The following GPR19 variants were observed in gnomAD, a reference collection of about 807,000 sequenced individuals.
GPR19 encodes the protein G protein-coupled receptor 19.
A neutral mutation model predicts 28.5 loss-of-function variants in GPR19; 14 were observed. The ratio of observed to expected loss-of-function variants is 0.49; its 90% CI spans 0.32 to 0.77. The LOEUF (loss-of-function observed/expected upper bound fraction) is 0.77, where lower values mean the gene tolerates loss of function less well. Among genes scored for constraint, GPR19 ranks in the 30% least tolerant of loss-of-function variants. The probability of loss-of-function intolerance (pLI) is 0.03; values close to 1 mark genes in which losing one functional copy is unlikely to be tolerated. For missense variants in GPR19, 409 were observed against 504.1 expected, an observed-to-expected ratio of 0.81 and a Z score of 1.81; for synonymous variants, 173 against 184.1, an observed-to-expected ratio of 0.94 and a Z score of 0.49.
intron 3 of GPR19, among the ~76,000 whole-genome samples, chr12:12,673,270 C>T (rs182181983): frequency 1.3e-5 from 2 of 152,256 alleles, no homozygotes; most frequent in East Asian, 3.9e-4. Context: ...ATGTTTCTTC[C>T]TTGATAAAAG....
At chr12:12,680,938 C>T (rs552210186) in intron 3 of GPR19, among the ~76,000 whole-genome samples, 2 of 152,328 alleles carry the variant, frequency 1.3e-5, no homozygotes, top group African/African-American at 4.8e-5. Flanking sequence ...TTCTGCCCCC[C>T]TCAGCCTCCC....
rs1434008449 is a variant in GPR19 at position 12,662,895 on chromosome 12, A to C, written c.-22-425T>G. Reference sequence around the variant, plus strand: ...AGTTCCTAATTGTCCTAAGGTTGCAAAAGAGGAAAGCTTGGGCAGATGAAA... The same window carrying C: ...AGTTCCTAATTGTCCTAAGGTTGCACAAGAGGAAAGCTTGGGCAGATGAAA... On this transcript the variant is annotated intron_variant, in intron 3 of 3. Coordinates refer to ENST00000651487, the MANE Select transcript of GPR19 (RefSeq NM_006143.3). 2.0e-5 allele frequency among the ~76,000 whole-genome samples: 3 copies of C among 152,242 alleles called. No individual in the cohort carries two copies. In the East Asian group the frequency reaches 5.8e-4, roughly 29 times the overall value.
chr12:12,685,594 G>T (rs990196698), intron 2 of GPR19, among the ~76,000 whole-genome samples: 2 of 152,176 alleles, frequency 1.3e-5, no homozygotes, highest in African/African-American at 2.4e-5. Context: ...AGAGGGAAAA[G>T]GACTGAATTG....
the GPR19 span, among the ~76,000 whole-genome samples, chr12:12,713,116 G>A: frequency 8.2e-5 from 12 of 146,872 alleles, no homozygotes; most frequent in Middle Eastern, 3.5e-3. Context: ...CCGGGCTGGA[G>A]TGCAGTGGCA....
At chr12:12,680,054 T>C (rs1945994706) in intron 3 of GPR19, among the ~76,000 whole-genome samples, 2 of 152,234 alleles carry the variant, frequency 1.3e-5, no homozygotes, top group Admixed American at 1.3e-4. Context: ...TTAACAGTGA[T>C]TGTTTCTAGG....
intron 3 of GPR19, among the ~76,000 whole-genome samples, chr12:12,674,248 G>A (rs1182013214): frequency 2.2e-5 from 3 of 138,732 alleles, no homozygotes; most frequent in Non-Finnish European, 3.1e-5. Context: ...TACAGCCTGG[G>A]CAACATAGTC....
At chr12:12,667,147 T>C (rs1945793666) in intron 3 of GPR19, among the ~76,000 whole-genome samples, 1 of 152,316 alleles carries the variant, frequency 6.6e-6, no homozygotes, top group East Asian at 1.9e-4. Flanking sequence ...GAGCCATCCA[T>C]ATGCAGTAAT....
intron 2 of GPR19, among the ~76,000 whole-genome samples, chr12:12,688,183 G>A (rs568605700): frequency 6.6e-6 from 1 of 152,068 alleles, no homozygotes; most frequent in African/African-American, 2.4e-5. Flanking sequence ...GTGGGAGGGG[G>A]GGTCATCATC....
intron 3 of GPR19, among the ~76,000 whole-genome samples, chr12:12,665,383 T>C (rs1592252651): frequency 6.6e-6 from 1 of 152,016 alleles, no homozygotes; most frequent in Non-Finnish European, 1.5e-5. Flanking sequence ...GCCCAACCAC[T>C]TGGAAGCAGA....
At chr12:12,715,081 G>A in the GPR19 span, 1 of 152,226 alleles carries the variant, frequency 6.6e-6, no homozygotes, top group African/African-American at 2.4e-5. Flanking sequence ...AATTCCATGA[G>A]TAAAATCAAA....
intron 3 of GPR19, among the ~76,000 whole-genome samples, chr12:12,672,482 C>T (rs1405439122): frequency 3.3e-5 from 5 of 152,126 alleles, no homozygotes; most frequent in Admixed American, 2.6e-4. Context: ...TGTGGTGACT[C>T]ATGCCTATAA....
At chr12:12,705,546 G>A in the GPR19 span, among the ~76,000 whole-genome samples, 1 of 150,938 alleles carries the variant, frequency 6.6e-6, no homozygotes, top group African/African-American at 2.4e-5. Flanking sequence ...TTGTCAGCAT[G>A]GCAATTTTTT....
At chr12:12,716,613 G>GTTT in the GPR19 span, 203 of 224,840 alleles carry the variant, frequency 9.0e-4, 1 homozygote, top group Middle Eastern at 4.8e-3. Flanking sequence ...AGAGTTTTTT[G>GTTT]TTTTTTTTTT....
intron 3 of GPR19, among the ~76,000 whole-genome samples, chr12:12,663,249 TAA>T (rs1945707287): frequency 6.6e-6 from 1 of 152,124 alleles, no homozygotes; most frequent in African/African-American, 2.4e-5. Flanking sequence ...CTAAGAAATG[TAA>T]CCAGGTTACG....
chr12:12,697,152 G>GAAAAAAAAAAAAAAA (rs1565413527), upstream of GPR19, among the ~76,000 whole-genome samples: 1 of 5,260 alleles, frequency 1.9e-4, no homozygotes, highest in Non-Finnish European at 5.7e-4. Context: ...TTGAAGCGAA[G>GAAAAAAAAAAAAAAA]TAAAAAAAAA....
At position 12,661,225 on chromosome 12, in the gene GPR19, T is replaced by G. The variant is rs1945666840; in HGVS notation, c.1224A>C (p.Ser408=). ...CTTAGACAAAAGTATTTGGTGGATTTGAGTTAATGGGCCAAGCAAGCTTTT... is the reference window on the plus strand; with the variant it reads ...CTTAGACAAAAGTATTTGGTGGATTGGAGTTAATGGGCCAAGCAAGCTTTT... ...KEKKLAWPIN[S]NPPNTFV is the part of the protein sequence containing the mutation. Residue 408 remains serine, a synonymous_variant, in exon 4 of 4, where the codon TCA becomes TCC. Transcript: ENST00000651487. This position sits in a 1 kb window ranked among gnomAD's most constrained non-coding sequence, Gnocchi z 4.2. 1 of 1,607,364 alleles carries G rather than the reference T, an allele frequency of 6.2e-7. No individual in the cohort carries two copies. Among genetic ancestry groups the G allele is most frequent in the Non-Finnish European group, 8.5e-7 (1 of 1,177,164 alleles).
chr12:12,713,973 C>T, the GPR19 span, among the ~76,000 whole-genome samples: 2 of 152,202 alleles, frequency 1.3e-5, no homozygotes, highest in Non-Finnish European at 2.9e-5. Context: ...CTTTCATGTG[C>T]TGTGTTCATT....
chr12:12,670,936 A>G (rs1021067022), intron 3 of GPR19, among the ~76,000 whole-genome samples: 1 of 152,186 alleles, frequency 6.6e-6, no homozygotes, highest in African/African-American at 2.4e-5. Context: ...AAACTTTTTA[A>G]GGTATCCTAC....
At chr12:12,664,606 T>C (rs74730571) in intron 3 of GPR19, among the ~76,000 whole-genome samples, 39 of 152,132 alleles carry the variant, frequency 2.6e-4, no homozygotes, top group African/African-American at 9.2e-4. Context: ...ATGGTAAGAA[T>C]AGCAACCATA....
Sources: gnomAD v4.1 joint callset for allele counts (sites outside exome capture counted in the v4.1 genomes callset) on GRCh38, gnomAD v4.1.1 for gene constraint, Gnocchi (gnomAD v3.1) non-coding constraint, MANE v1.5 for transcripts, NCBI Gene and HGNC (gene_info 2026-07-23, HGNC 2026-07-21) for gene names.